The following CRIM1 variants were observed in gnomAD, a reference collection of about 807,000 sequenced individuals.
CRIM1 encodes cysteine-rich motor neuron 1 protein.
In CRIM1, 32 loss-of-function variants were observed where a neutral mutation model predicts 116.4. The observed-to-expected ratio is 0.27, with a 90% CI of 0.21 to 0.37. The LOEUF is 0.37. Ranked by LOEUF, CRIM1 falls within the 10% of genes least tolerant of loss-of-function variation. The pLI, the probability that CRIM1 is intolerant of heterozygous loss-of-function variation, is 1.00. For synonymous variants in CRIM1, 590 were observed against 509.2 expected, an observed-to-expected ratio of 1.16 and a Z score of -2.13; for missense variants, 1,331 against 1,354.8, an observed-to-expected ratio of 0.98 and a Z score of 0.28.
chr2:36,365,155 G>C (rs905546756), intron 1 of CRIM1, among the ~76,000 whole-genome samples: 10 of 152,268 alleles, frequency 6.6e-5, no homozygotes, highest in Admixed American at 6.5e-4. Flanking sequence ...GCGTTGGTTT[G>C]ATCCAGTGCA....
chr2:36,487,000 C>A (rs1483003395), intron 7 of CRIM1, among the ~76,000 whole-genome samples: 1 of 152,120 alleles, frequency 6.6e-6, no homozygotes. Context: ...AGAAAAGATT[C>A]CATCTTCTTT....
At chr2:36,406,737 TC>T (rs1672836066) in intron 2 of CRIM1, among the ~76,000 whole-genome samples, 1 of 152,080 alleles carries the variant, frequency 6.6e-6, no homozygotes, top group African/African-American at 2.4e-5. Flanking sequence ...TTCAGGACTT[TC>T]ATGTGTACAG....
chr2:36,363,526 G>A (rs545897476), intron 1 of CRIM1, among the ~76,000 whole-genome samples: 3 of 76,890 alleles, frequency 3.9e-5, no homozygotes, highest in African/African-American at 1.5e-4. Context: ...AGCAGTCGTC[G>A]CCGCCCCCCC....
At chr2:36,414,018 A>ACATC (rs1267517403) in intron 2 of CRIM1, among the ~76,000 whole-genome samples, 1 of 152,234 alleles carries the variant, frequency 6.6e-6, no homozygotes, top group African/African-American at 2.4e-5. Flanking sequence ...TCCCTGCTTT[A>ACATC]CATCCAATAG....
chr2:36,547,318 A>G (rs185529331), intron 16 of CRIM1, 147 bp downstream of exon 16: 310 of 649,844 alleles, frequency 4.8e-4, no homozygotes, highest in Non-Finnish European at 7.7e-4. Flanking sequence ...CTATAGTATG[A>G]ATCAAATACA....
intron 1 of CRIM1, among the ~76,000 whole-genome samples, chr2:36,370,031 A>G (rs997707259): frequency 2.6e-5 from 4 of 152,222 alleles, no homozygotes; most frequent in African/African-American, 9.7e-5. Flanking sequence ...CAAACTGAAA[A>G]TGACTTCTTA....
intron 12 of CRIM1, among the ~76,000 whole-genome samples, chr2:36,521,699 A>G (rs1665405349): frequency 6.6e-6 from 1 of 152,194 alleles, no homozygotes. Flanking sequence ...TTCGTTAGCC[A>G]TTAGGTCCCA....
At chr2:36,487,398 G>T (rs1351459061) in intron 7 of CRIM1, among the ~76,000 whole-genome samples, 1 of 152,110 alleles carries the variant, frequency 6.6e-6, no homozygotes, top group Non-Finnish European at 1.5e-5. Context: ...ACTTACTCCA[G>T]GGATACAGTC....
chr2:36,359,163 A>G (rs1236151390), intron 1 of CRIM1, among the ~76,000 whole-genome samples: 20 of 152,192 alleles, frequency 1.3e-4, no homozygotes, highest in Admixed American at 1.3e-3. Flanking sequence ...AGGAATCAAT[A>G]TATTTTATTC....
At chr2:36,543,124 T>C (rs944595565) in intron 14 of CRIM1, among the ~76,000 whole-genome samples, 4 of 152,182 alleles carry the variant, frequency 2.6e-5, no homozygotes, top group African/African-American at 9.7e-5. Context: ...AGAAGACTAT[T>C]CTTGGAGGCA....
chr2:36,422,668 A>T (rs1344742524), intron 2 of CRIM1, among the ~76,000 whole-genome samples: 1 of 152,222 alleles, frequency 6.6e-6, no homozygotes, highest in Non-Finnish European at 1.5e-5. Context: ...TAGAAAAATT[A>T]AAAATATGTG....
intron 7 of CRIM1, among the ~76,000 whole-genome samples, chr2:36,481,884 G>T (rs561340626): frequency 1.3e-5 from 2 of 152,274 alleles, no homozygotes; most frequent in Non-Finnish European, 2.9e-5. Context: ...CTGGCTTTTG[G>T]CTCTGTTGAG....
chr2:36,536,626 C>T (rs1341574892), intron 13 of CRIM1, among the ~76,000 whole-genome samples: 1 of 151,956 alleles, frequency 6.6e-6, no homozygotes, highest in Admixed American at 6.6e-5. Flanking sequence ...AGTTCAGGTA[C>T]ACCAGGAAAA....
chr2:36,429,745 A>G (rs986815859), intron 2 of CRIM1, among the ~76,000 whole-genome samples: 1 of 152,204 alleles, frequency 6.6e-6, no homozygotes, highest in Admixed American at 6.5e-5. Context: ...TGTTAGAAGC[A>G]CACATCCTGA....
intron 2 of CRIM1, among the ~76,000 whole-genome samples, chr2:36,404,976 C>T (rs1013701311): frequency 5.3e-5 from 8 of 152,042 alleles, no homozygotes; most frequent in Admixed American, 2.6e-4. Context: ...GTAAAGCGTA[C>T]GTGCTAAATT....
chr2:36,539,652 G>T (rs1359989507), intron 14 of CRIM1, among the ~76,000 whole-genome samples: 1 of 152,068 alleles, frequency 6.6e-6, no homozygotes, highest in Non-Finnish European at 1.5e-5. Context: ...CTTGGACAGG[G>T]TGGTAGCCGT....
At chr2:36,538,817 A>G (rs2125171649) in intron 14 of CRIM1, among the ~76,000 whole-genome samples, 1 of 152,324 alleles carries the variant, frequency 6.6e-6, no homozygotes, top group Non-Finnish European at 1.5e-5. Flanking sequence ...AGAATAAGAA[A>G]AAATATATGG....
At chr2:36,522,344 T>C (rs1236596500) in intron 13 of CRIM1, 31 bp downstream of exon 13, 1 of 1,514,382 alleles carries the variant, frequency 6.6e-7, no homozygotes, top group African/African-American at 1.4e-5. Flanking sequence ...ATCCCTCATC[T>C]CTACCAGTTG....
At chr2:36,547,256 T>G in intron 16 of CRIM1, 85 bp downstream of exon 16, 1 of 1,141,366 alleles carries the variant, frequency 8.8e-7, no homozygotes, top group Non-Finnish European at 1.3e-6. Context: ...ACCTTGTGTC[T>G]TAACCAGTGA....
Sources: allele counts gnomAD v4.1 joint callset (sites outside exome capture counted in the v4.1 genomes callset), GRCh38; gene constraint gnomAD v4.1.1; transcripts MANE v1.5; gene names NCBI Gene and HGNC (gene_info 2026-07-23, HGNC 2026-07-21).